ABCA13: variants seen among roughly 807,000 people sequenced by gnomAD.
ABCA13 encodes ATP-binding cassette sub-family A member 13.
ABCA13 carries 476 observed loss-of-function variants against 478.7 expected under a neutral mutation model. The ratio of observed to expected loss-of-function variants is 0.99; its 90% CI spans 0.92 to 1.07. ABCA13 has a LOEUF of 1.07. Among genes scored for constraint, ABCA13 ranks in the 50% least tolerant of loss-of-function variants. ABCA13 has a pLI of 0.00. For missense variants in ABCA13, 6,060 were observed against 5,910.6 expected, an observed-to-expected ratio of 1.03 and a Z score of -0.83; for synonymous variants, 2,252 against 2,158.9, an observed-to-expected ratio of 1.04 and a Z score of -1.20.
intron 56 of ABCA13, among the ~76,000 whole-genome samples, chr7:48,582,702 C>T (rs1788822355): frequency 6.6e-6 from 1 of 152,154 alleles, no homozygotes; most frequent in Non-Finnish European, 1.5e-5. Context: ...CACCTGTGCT[C>T]CACTTGCTGG....
chr7:48,239,486 A>C (rs932422641), intron 9 of ABCA13, 81 bp downstream of exon 9: 2 of 1,454,276 alleles, frequency 1.4e-6, no homozygotes, highest in East Asian at 4.7e-5. Flanking sequence ...CTGCCCTGCC[A>C]TGTTTACTGT....
intron 29 of ABCA13, among the ~76,000 whole-genome samples, chr7:48,344,389 G>T (rs1446983314): frequency 1.3e-5 from 2 of 152,226 alleles, no homozygotes; most frequent in Non-Finnish European, 2.9e-5. Flanking sequence ...TTCAGGAGGA[G>T]ACACGTTGGA....
At position 48,644,629 on chromosome 7, in the gene ABCA13, A is replaced by C; in HGVS notation, c.14956A>C (p.Asn4986His). The C allele has an allele frequency of 6.2e-7, 1 of 1,601,642 alleles. No homozygotes were observed. The highest frequency in any genetic ancestry group is 8.5e-7 in the Non-Finnish European group (1 of 1,175,710). ...TTTTTGCTTTTAGGGACAGCACCTG[A>C]ATTTATTAGAATATCATGTGCCAAA... ...PGIQFKGQHL[N>H]LLEYHVPKRW... Residue 4986 changes from asparagine (N) to histidine (H), a missense_variant, in exon 61 of 62, where the codon AAT (asparagine) becomes CAT (histidine). Asn to His is a moderately conservative substitution (Grantham distance 68). Transcript: ENST00000435803.
intron 40 of ABCA13, among the ~76,000 whole-genome samples, chr7:48,411,023 CTTT>C (rs1819008076): frequency 1.7e-5 from 2 of 118,136 alleles, no homozygotes; most frequent in South Asian, 2.4e-4. Context: ...TTCTTTCTTT[CTTT>C]CTTTCTTTCT....
intron 15 of ABCA13, among the ~76,000 whole-genome samples, chr7:48,256,888 T>A (rs947169042): frequency 6.6e-6 from 1 of 152,208 alleles, no homozygotes; most frequent in Non-Finnish European, 1.5e-5. Flanking sequence ...TAACATTGAA[T>A]CTGTGAATTG....
intron 47 of ABCA13, among the ~76,000 whole-genome samples, chr7:48,484,088 T>C (rs1429043320): frequency 6.6e-6 from 1 of 152,226 alleles, no homozygotes; most frequent in Non-Finnish European, 1.5e-5. Context: ...GCATGGTTCA[T>C]GTGAACCTGA....
intron 43 of ABCA13, among the ~76,000 whole-genome samples, chr7:48,457,740 G>A (rs575771076): frequency 2.6e-5 from 4 of 152,236 alleles, no homozygotes; most frequent in South Asian, 2.1e-4. Flanking sequence ...ACAGGCTATC[G>A]TACCTGTTCC....
intron 7 of ABCA13, among the ~76,000 whole-genome samples, chr7:48,231,499 C>T (rs1005525786): frequency 3.3e-5 from 5 of 152,010 alleles, no homozygotes; most frequent in South Asian, 2.1e-4. Context: ...GGCCAAAACA[C>T]GAGTGGCCAT....
At chr7:48,489,402 A>T in intron 48 of ABCA13, 58 bp downstream of exon 48, 1 of 1,413,220 alleles carries the variant, frequency 7.1e-7, no homozygotes, top group Non-Finnish European at 9.6e-7. Context: ...TGTTTTTAAA[A>T]GTGAAAGAAA....
chr7:48,285,420 C>T (rs1030173934), intron 19 of ABCA13, among the ~76,000 whole-genome samples: 2 of 152,178 alleles, frequency 1.3e-5, no homozygotes, highest in African/African-American at 4.8e-5. Context: ...AGGCTCAAAA[C>T]CAGCTCTTGT....
rs181070572 is a variant in ABCA13 at position 48,246,462 on chromosome 7, C to T, written c.1659+432C>T. 1.8e-3 allele frequency among the ~76,000 whole-genome samples: 275 copies of T among 152,260 alleles called. 1 individual carries two copies. Among genetic ancestry groups the T allele is most frequent in the Admixed American group, 4.0e-3 (61 of 15,294 alleles). On this transcript the variant is annotated intron_variant, in intron 13 of 61. Coordinates refer to ENST00000435803, the MANE Select transcript of ABCA13 (RefSeq NM_152701.5). ...AGGACAATGGGCTACCCCTGTTCAG[C>T]GCTCAAGTGGGACTGCAGAATGTTG...
chr7:48,305,521 A>G (rs1800776775), intron 23 of ABCA13, among the ~76,000 whole-genome samples: 2 of 152,054 alleles, frequency 1.3e-5, no homozygotes, highest in Admixed American at 1.3e-4. Context: ...CTCTCTCCCC[A>G]TCATCTCCAG....
chr7:48,240,087 T>TA (rs1403742063), intron 9 of ABCA13, among the ~76,000 whole-genome samples: 1 of 152,078 alleles, frequency 6.6e-6, no homozygotes, highest in Non-Finnish European at 1.5e-5. Context: ...TGTTTTTCCT[T>TA]AAAGAACACA....
At chr7:48,205,084 T>G (rs2128929264) in intron 3 of ABCA13, among the ~76,000 whole-genome samples, 1 of 152,362 alleles carries the variant, frequency 6.6e-6, no homozygotes, top group South Asian at 2.1e-4. Context: ...TGTTGAAAAC[T>G]TGGGAATTAT....
intron 55 of ABCA13, among the ~76,000 whole-genome samples, chr7:48,565,099 C>T (rs1881077): frequency 0.16 from 24,881 of 151,958 alleles, 2,238 homozygotes; most frequent in East Asian, 0.3. Context: ...TAAACATAAG[C>T]CACCATTTGT....
intron 16 of ABCA13, among the ~76,000 whole-genome samples, chr7:48,270,375 A>G (rs752379219): frequency 5.3e-5 from 8 of 151,058 alleles, no homozygotes; most frequent in Non-Finnish European, 7.4e-5. Flanking sequence ...AAAGTAATAT[A>G]AAAACGTGGC....
intron 41 of ABCA13, among the ~76,000 whole-genome samples, chr7:48,423,818 C>T (rs1019775993): frequency 2.6e-5 from 4 of 152,146 alleles, no homozygotes; most frequent in African/African-American, 9.7e-5. Flanking sequence ...TTCTTATTTA[C>T]TTTGTGTGAT....
chr7:48,499,156 A>C (rs1830520030), intron 48 of ABCA13, among the ~76,000 whole-genome samples: 1 of 152,190 alleles, frequency 6.6e-6, no homozygotes, highest in Non-Finnish European at 1.5e-5. Flanking sequence ...AATATTGAGA[A>C]AAATACATTT....
chr7:48,328,803 G>A (rs1804724780), intron 27 of ABCA13, among the ~76,000 whole-genome samples: 1 of 152,076 alleles, frequency 6.6e-6, no homozygotes, highest in Non-Finnish European at 1.5e-5. Flanking sequence ...AATAGTAAGA[G>A]AAATGCAAAT....
Sources: gnomAD v4.1 joint callset for allele counts (sites outside exome capture counted in the v4.1 genomes callset) on GRCh38, gnomAD v4.1.1 for gene constraint, MANE v1.5 for transcripts, NCBI Gene and HGNC (gene_info 2026-07-23, HGNC 2026-07-21) for gene names.